Variants in ZP3 observed in about 807,000 individuals in gnomAD.
ZP3 encodes zona pellucida sperm-binding protein 3.
In ZP3, 21 loss-of-function variants were observed where a neutral mutation model predicts 35.6. That is an observed-to-expected ratio of 0.59 (90% confidence interval 0.42 to 0.85). ZP3 has a LOEUF of 0.85. Ranked by LOEUF, ZP3 falls within the 40% of genes least tolerant of loss-of-function variation. The pLI is 0.00. For missense variants in ZP3, 437 were observed against 536.5 expected, an observed-to-expected ratio of 0.81 and a Z score of 1.83; for synonymous variants, 207 against 214.5, an observed-to-expected ratio of 0.96 and a Z score of 0.31.
intron 1 of ZP3, chr7:76,401,113 C>G: frequency 6.8e-7 from 1 of 1,472,068 alleles, no homozygotes; most frequent in Non-Finnish European, 9.0e-7. Context: ...AGGAACACAC[C>G]CCCCAACTCC....
chr7:76,405,344 T>TTCTTTC (rs1457184960), intron 1 of ZP3, among the ~76,000 whole-genome samples: 23 of 108,010 alleles, frequency 2.1e-4, no homozygotes, highest in South Asian at 1.0e-3. Context: ...TCTTTCTTTT[T>TTCTTTC]TTTTTTTTTT....
At chr7:76,429,933 C>T (rs1805779433) in intron 2 of ZP3, among the ~76,000 whole-genome samples, 1 of 152,078 alleles carries the variant, frequency 6.6e-6, no homozygotes, top group African/African-American at 2.4e-5. Context: ...TCCAATAGTG[C>T]TAGGCTGGGG....
chr7:76,416,110 A>G (rs746347833), intron 1 of ZP3, among the ~76,000 whole-genome samples: 45 of 150,940 alleles, frequency 3.0e-4, no homozygotes, highest in Non-Finnish European at 4.9e-4. Flanking sequence ...AGCCTGGGCA[A>G]CAACAGCAAA....
chr7:76,398,856 G>T, intron 1 of ZP3: 1 of 1,566,354 alleles, frequency 6.4e-7, no homozygotes, highest in Non-Finnish European at 8.8e-7. Flanking sequence ...CACACCACGG[G>T]GTGTTTAAGG....
intron 1 of ZP3, among the ~76,000 whole-genome samples, chr7:76,402,243 G>A (rs1459778253): frequency 6.7e-6 from 1 of 148,516 alleles, no homozygotes; most frequent in Non-Finnish European, 1.5e-5. Context: ...ACAGTGGCAT[G>A]ATCTCATCTC....
At chr7:76,419,778 T>C (rs1161521003) in intron 1 of ZP3, among the ~76,000 whole-genome samples, 5 of 119,234 alleles carry the variant, frequency 4.2e-5, no homozygotes, top group Non-Finnish European at 6.8e-5. Context: ...CCCCTCCTCC[T>C]CCTCCTCCTC....
At chr7:76,427,373 C>T (rs1034315623) in intron 1 of ZP3, among the ~76,000 whole-genome samples, 10 of 151,434 alleles carry the variant, frequency 6.6e-5, no homozygotes, top group Non-Finnish European at 7.4e-5. Context: ...AGAAGTTAGC[C>T]GGGTGTGGTG....
At chr7:76,439,151 ACC>A (rs1806118109) in intron 5 of ZP3, among the ~76,000 whole-genome samples, 2 of 144,834 alleles carry the variant, frequency 1.4e-5, no homozygotes, top group South Asian at 2.3e-4. Flanking sequence ...AAAAAAAAAA[ACC>A]TCTTAAGTCT....
chr7:76,404,594 T>TA, intron 1 of ZP3: 1 of 1,084,072 alleles, frequency 9.2e-7, no homozygotes, highest in Admixed American at 2.1e-5. Context: ...GGGTTTGAGA[T>TA]CAGCCTGGGC....
At chr7:76,415,736 C>A (rs1805354112) in intron 1 of ZP3, among the ~76,000 whole-genome samples, 1 of 150,816 alleles carries the variant, frequency 6.6e-6, no homozygotes, top group African/African-American at 2.4e-5. Context: ...ACCTCGTGAT[C>A]CACCCGCCTC....
upstream of ZP3, among the ~76,000 whole-genome samples, chr7:76,423,029 A>AGAGAGAGAGAGAGAG (rs767704641): frequency 2.1e-3 from 115 of 55,506 alleles, 1 homozygote; most frequent in Non-Finnish European, 2.6e-3. Context: ...GAGAGAGAGA[A>AGAGAGAGAGAGAGAG]AGAAAGAAAG....
chr7:76,412,237 T>G (rs899835978), intron 1 of ZP3, among the ~76,000 whole-genome samples: 1 of 151,200 alleles, frequency 6.6e-6, no homozygotes, highest in Non-Finnish European at 1.5e-5. Flanking sequence ...TAACTGTTGA[T>G]GTATGCAACA....
intron 5 of ZP3, among the ~76,000 whole-genome samples, chr7:76,437,395 TA>T (rs1244214046): frequency 6.6e-6 from 1 of 151,724 alleles, no homozygotes; most frequent in African/African-American, 2.4e-5. Flanking sequence ...AGGCTGGTCT[TA>T]AACTCCTGAC....
At chr7:76,414,208 G>T (rs1244064769) in intron 1 of ZP3, among the ~76,000 whole-genome samples, 2 of 151,772 alleles carry the variant, frequency 1.3e-5, no homozygotes. Context: ...TGTTGCCCAG[G>T]CTGGTCTTGA....
chr7:76,419,373 TC>T (rs1194779816), intron 1 of ZP3, among the ~76,000 whole-genome samples: 1 of 152,180 alleles, frequency 6.6e-6, no homozygotes, highest in African/African-American at 2.4e-5. Context: ...GGAAGTGAAA[TC>T]CAGTTTTTCC....
At chr7:76,433,216 C>T (rs563076063) in intron 3 of ZP3, among the ~76,000 whole-genome samples, 186 bp downstream of exon 3, 11 of 133,042 alleles carry the variant, frequency 8.3e-5, no homozygotes, top group African/African-American at 1.6e-4. Flanking sequence ...TGCAGTGGCA[C>T]GATCTCAGCT....
intron 1 of ZP3, among the ~76,000 whole-genome samples, chr7:76,427,775 C>T (rs1021197454): frequency 1.3e-5 from 2 of 152,142 alleles, no homozygotes; most frequent in African/African-American, 4.8e-5. Flanking sequence ...ACCTCCTAGG[C>T]TCAAGCCATC....
chr7:76,431,961 G>T (rs1260832054), intron 2 of ZP3, among the ~76,000 whole-genome samples: 2 of 151,718 alleles, frequency 1.3e-5, no homozygotes, highest in African/African-American at 4.8e-5. Context: ...GGAGTACTGT[G>T]CAGGGCCTGC....
chr7:76,430,962 C>T (rs1423107746), intron 2 of ZP3, among the ~76,000 whole-genome samples: 1 of 152,184 alleles, frequency 6.6e-6, no homozygotes, highest in Non-Finnish European at 1.5e-5. Flanking sequence ...GGCTGGAGCC[C>T]AGGGACTGGG....
Sources: gnomAD v4.1 joint callset for allele counts (sites outside exome capture counted in the v4.1 genomes callset) on GRCh38, gnomAD v4.1.1 for gene constraint, MANE v1.5 for transcripts, NCBI Gene and HGNC (gene_info 2026-07-23, HGNC 2026-07-21) for gene names.